Variants in FHIT observed in about 807,000 individuals in gnomAD.
FHIT encodes fragile histidine triad diadenosine triphosphatase, also known as bis(5'-adenosyl)-triphosphatase.
A neutral mutation model predicts 17.9 loss-of-function variants in FHIT; 19 were observed. The observed-to-expected ratio is 1.06, with a 90% confidence interval of 0.74 to 1.56. The LOEUF is 1.56. Ranked by LOEUF, FHIT falls within the 40% of genes most tolerant of loss-of-function variation. FHIT has a pLI of 0.00. For synonymous variants in FHIT, 81 were observed against 69.7 expected (o/e 1.16, Z -0.81); for missense variants, 248 against 189.2 (o/e 1.31, Z -1.82).
chr3:60,003,552 C>A (rs666083), intron 7 of FHIT, among the ~76,000 whole-genome samples: 82,562 of 151,924 alleles, frequency 0.54, 23,020 homozygotes, highest in Non-Finnish European at 0.62. Flanking sequence ...TGAGACCAGC[C>A]TGGCCAACAT....
At chr3:60,895,730 C>CT (rs1459897686) in intron 3 of FHIT, among the ~76,000 whole-genome samples, 1 of 82,214 alleles carries the variant, frequency 1.2e-5, no homozygotes, top group Non-Finnish European at 2.8e-5. Flanking sequence ...TTCTTTCTTT[C>CT]TTTCTTCTTT....
At chr3:60,108,791 G>T (rs1704541391) in intron 5 of FHIT, among the ~76,000 whole-genome samples, 1 of 151,814 alleles carries the variant, frequency 6.6e-6, no homozygotes, top group Non-Finnish European at 1.5e-5. Flanking sequence ...AGCCTCCCCA[G>T]TAGCTGGGAT....
intron 4 of FHIT, among the ~76,000 whole-genome samples, chr3:60,733,216 C>T (rs969110898): frequency 6.6e-6 from 1 of 152,164 alleles, no homozygotes; most frequent in Non-Finnish European, 1.5e-5. Flanking sequence ...TCATGGCAAT[C>T]GCTACTCCCT....
intron 2 of FHIT, among the ~76,000 whole-genome samples, chr3:61,073,763 T>G (rs912251725): frequency 1.3e-5 from 2 of 152,180 alleles, no homozygotes; most frequent in African/African-American, 2.4e-5. Context: ...TCTTGCGGCA[T>G]TTCCAGTTAA....
chr3:60,512,282 A>C (rs1187017028), intron 5 of FHIT, among the ~76,000 whole-genome samples: 1 of 152,192 alleles, frequency 6.6e-6, no homozygotes, highest in East Asian at 1.9e-4. Flanking sequence ...TTTCTAGTCA[A>C]CCAATCAGTA....
chr3:61,088,460 T>C (rs1027454227), intron 2 of FHIT, among the ~76,000 whole-genome samples: 1 of 152,172 alleles, frequency 6.6e-6, no homozygotes, highest in Non-Finnish European at 1.5e-5. Context: ...GTACAGCCAA[T>C]TTAGCAAATC....
chr3:60,316,268 A>C (rs1182638849), intron 5 of FHIT, among the ~76,000 whole-genome samples: 1 of 152,192 alleles, frequency 6.6e-6, no homozygotes, highest in African/African-American at 2.4e-5. Context: ...GTATGGCAGA[A>C]AAAATGACAC....
intron 7 of FHIT, among the ~76,000 whole-genome samples, chr3:59,923,904 T>C (rs1253698531): frequency 1.3e-5 from 2 of 152,170 alleles, no homozygotes; most frequent in Admixed American, 6.5e-5. Flanking sequence ...AAGCAGCCCC[T>C]GAGCACAGTT....
intron 4 of FHIT, among the ~76,000 whole-genome samples, chr3:60,814,723 C>T (rs1156841925): frequency 6.6e-6 from 1 of 152,088 alleles, no homozygotes; most frequent in Non-Finnish European, 1.5e-5. Context: ...GATCTATACA[C>T]AGTAATGGAA....
At chr3:60,082,733 T>C (rs1452706153) in intron 5 of FHIT, among the ~76,000 whole-genome samples, 2 of 152,148 alleles carry the variant, frequency 1.3e-5, no homozygotes, top group African/African-American at 4.8e-5. Context: ...TTAGTGAGGT[T>C]GAGCATTTTT....
intron 2 of FHIT, among the ~76,000 whole-genome samples, chr3:61,092,503 A>T (rs1236293574): frequency 1.6e-5 from 2 of 125,806 alleles, no homozygotes; most frequent in African/African-American, 6.2e-5. Context: ...TCCCTTAAAA[A>T]TATATATATA....
At chr3:60,116,212 G>C (rs1373694656) in intron 5 of FHIT, among the ~76,000 whole-genome samples, 1 of 152,146 alleles carries the variant, frequency 6.6e-6, no homozygotes, top group Non-Finnish European at 1.5e-5. Flanking sequence ...ACACATGTTG[G>C]TACAAAGGCT....
intron 3 of FHIT, among the ~76,000 whole-genome samples, chr3:60,927,347 C>T (rs1231961344): frequency 6.6e-6 from 1 of 152,204 alleles, no homozygotes; most frequent in Non-Finnish European, 1.5e-5. Context: ...CCTCCACCTC[C>T]CAGCCGCCTG....
intron 5 of FHIT, among the ~76,000 whole-genome samples, chr3:60,510,080 T>C (rs1275085236): frequency 6.6e-6 from 1 of 152,066 alleles, no homozygotes; most frequent in African/African-American, 2.4e-5. Context: ...CTCTGGAAAA[T>C]GAATAAAATG....
intron 1 of FHIT, among the ~76,000 whole-genome samples, chr3:61,223,719 C>T (rs2106837136): frequency 6.6e-6 from 1 of 152,320 alleles, no homozygotes; most frequent in South Asian, 2.1e-4. Flanking sequence ...GAGTGAGGGG[C>T]ATTGTCAATA....
chr3:60,775,741 A>T (rs1202735468), intron 4 of FHIT, among the ~76,000 whole-genome samples: 1 of 151,670 alleles, frequency 6.6e-6, no homozygotes, highest in Non-Finnish European at 1.5e-5. Flanking sequence ...CTTTTTTGGG[A>T]TGGACCGGCG....
intron 5 of FHIT, among the ~76,000 whole-genome samples, chr3:60,246,802 G>C (rs1417066454): frequency 6.6e-6 from 1 of 152,080 alleles, no homozygotes; most frequent in Non-Finnish European, 1.5e-5. Context: ...AATCCTCTCT[G>C]CTGCAGTTGA....
chr3:60,214,101 C>T (rs1703583973), intron 5 of FHIT, among the ~76,000 whole-genome samples: 1 of 152,016 alleles, frequency 6.6e-6, no homozygotes, highest in Non-Finnish European at 1.5e-5. Flanking sequence ...GATTCCAGGC[C>T]CTACCCTCAC....
At chr3:60,895,673 T>TCTTTCTTC (rs1559808670) in intron 3 of FHIT, among the ~76,000 whole-genome samples, 1 of 27,188 alleles carries the variant, frequency 3.7e-5, no homozygotes, top group Non-Finnish European at 1.3e-4. Flanking sequence ...TTCCTTTCTT[T>TCTTTCTTC]CTTTCTTTCT....
Sources: gnomAD v4.1 joint callset for allele counts (sites outside exome capture counted in the v4.1 genomes callset) on GRCh38, gnomAD v4.1.1 for gene constraint, MANE v1.5 for transcripts, NCBI Gene and HGNC (gene_info 2026-07-23, HGNC 2026-07-21) for gene names.